The following RAB37 variants were observed in gnomAD, a reference collection of about 807,000 sequenced individuals.
RAB37 encodes the protein ras-related protein Rab-37.
Under a neutral mutation model 33.1 loss-of-function variants are expected in RAB37, and 29 were observed. The ratio of observed to expected loss-of-function variants is 0.88; its 90% confidence interval spans 0.65 to 1.20. The LOEUF is 1.20. RAB37 is among the 50% of genes most tolerant of loss of function. RAB37 has a pLI of 0.00. For missense variants in RAB37, 299 were observed against 301.1 expected (o/e 0.99, Z 0.05); for synonymous variants, 128 against 119.5 (o/e 1.07, Z -0.47).
chr17:74,718,340 A>ATATCG (rs2034194920), intron 1 of RAB37, among the ~76,000 whole-genome samples: 1 of 151,780 alleles, frequency 6.6e-6, no homozygotes. Flanking sequence ...ATATCATATC[A>ATATCG]TATCATATCA....
At chr17:74,695,763 C>T (rs2032396269) in intron 1 of RAB37, 1 of 1,614,058 alleles carries the variant, frequency 6.2e-7, no homozygotes, top group Non-Finnish European at 8.5e-7. Context: ...TCAACCTGGG[C>T]AGAGGAAAGC....
At chr17:74,681,622 G>A (rs976696401) in intron 1 of RAB37, among the ~76,000 whole-genome samples, 1 of 152,312 alleles carries the variant, frequency 6.6e-6, no homozygotes, top group South Asian at 2.1e-4. Flanking sequence ...AGAGGGGCAC[G>A]CCACGTGAGC....
At position 74,742,547 on chromosome 17, in the gene RAB37, G is replaced by A. The variant is rs1334351696; in HGVS notation, c.246+252G>A. Among the ~76,000 whole-genome samples, 1 of 152,220 alleles carries A rather than the reference G, an allele frequency of 6.6e-6. No individual in the cohort carries two copies. The highest frequency in any genetic ancestry group is 1.5e-5 in the Non-Finnish European group (1 of 68,028). On this transcript the variant is annotated intron_variant, in intron 3 of 8. Coordinates refer to ENST00000392613, the MANE Select transcript of RAB37 (RefSeq NM_001006638.3). The surrounding 1 kb of genome is among the most constrained non-coding windows in gnomAD (Gnocchi z 4.0). ...CCATCCATCTCCTCCCCAGTTGCCA[G>A]GGCTTTATCTGCTCTTAGGAGATTG...
At chr17:74,724,995 A>T (rs1452875426) in intron 1 of RAB37, among the ~76,000 whole-genome samples, 1 of 152,156 alleles carries the variant, frequency 6.6e-6, no homozygotes, top group Non-Finnish European at 1.5e-5. Context: ...CTAGAATACA[A>T]ATGGAGGCCC....
In RAB37 at chr17:74,745,520, C is replaced by G; in HGVS notation, c.*109C>G. The G allele has an allele frequency of 1.2e-6, 1 of 861,036 alleles. No individual in the cohort carries two copies. Among genetic ancestry groups the G allele is most frequent in the Non-Finnish European group, 1.9e-6 (1 of 528,614 alleles). 53.3% of individuals were successfully genotyped at this position (861,036 alleles called of 1,614,324 possible). A position where few individuals can be genotyped will look rare whatever the true frequency, so the allele number is the denominator to read the frequency against. On this transcript the variant is annotated 3_prime_UTR_variant, in exon 9 of 9. Transcript: ENST00000392613. The surrounding 1 kb of genome is among the most constrained non-coding windows in gnomAD (Gnocchi z 4.5). ...AGCCAATGGGGAGAAAGATGGAGGA[C>G]TCACTGCACAGCCGCTTCCTAGCAG... is the stretch of plus-strand genomic sequence containing the variant.
intron 1 of RAB37, among the ~76,000 whole-genome samples, chr17:74,697,403 A>T (rs1306142165): frequency 6.6e-6 from 1 of 152,214 alleles, no homozygotes; most frequent in African/African-American, 2.4e-5. Context: ...ATGCTGGAGA[A>T]CACAGAAAGC....
At chr17:74,679,387 G>A (rs758366205) in intron 1 of RAB37, among the ~76,000 whole-genome samples, 8 of 151,976 alleles carry the variant, frequency 5.3e-5, no homozygotes, top group Non-Finnish European at 7.4e-5. Flanking sequence ...CTCCCTCCTC[G>A]CCTCCCCCAT....
chr17:74,744,200 G>T lies in RAB37; in HGVS notation c.367-108G>T. On this transcript the variant is annotated intron_variant, in intron 5 of 8. Coordinates refer to ENST00000392613, the MANE Select transcript of RAB37 (RefSeq NM_001006638.3). This position sits in a 1 kb window ranked among gnomAD's most constrained non-coding sequence, Gnocchi z 4.2. The stretch of plus-strand genomic sequence containing the variant: ...AAAGGTACAGATGAGAGAACGCACA[G>T]GGTATCGTGTTCAAGGTAGTGAGTA... 9.3e-7 allele frequency: 1 copy of T among 1,070,960 alleles called. No homozygotes were observed. Among genetic ancestry groups the T allele is most frequent in the Non-Finnish European group, 1.4e-6 (1 of 724,022 alleles). The allele number at this position is 1,070,960 out of a possible 1,614,324, so 66.3% of individuals were successfully genotyped here. A position where few individuals can be genotyped will look rare whatever the true frequency, so the allele number is the denominator to read the frequency against.
At chr17:74,718,225 CGG>C (rs1486201331) in intron 1 of RAB37, among the ~76,000 whole-genome samples, 1 of 152,058 alleles carries the variant, frequency 6.6e-6, no homozygotes, top group Non-Finnish European at 1.5e-5. Context: ...GCCCAGGAGA[CGG>C]AGGTTGCAGT....
In RAB37 at chr17:74,706,174, A is replaced by G. The variant is rs558744807; in HGVS notation, c.73-23082A>G. On this transcript the variant is annotated intron_variant, in intron 1 of 7. Transcript: ENST00000340415. ...GTACCATGTTCACTATCTGGGTGAC[A>G]GGTTTGATTGAGGCTCAAACCTCAG... 2.6e-5 allele frequency among the ~76,000 whole-genome samples: 4 copies of G among 152,188 alleles called. No homozygotes were observed. The East Asian group carries it at 7.7e-4, about 29-fold the overall frequency.
chr17:74,694,882 T>C (rs2032278904), intron 1 of RAB37: 2 of 496,872 alleles, frequency 4.0e-6, no homozygotes, highest in Non-Finnish European at 7.1e-6. Flanking sequence ...TCCTCAACTA[T>C]GTAGGAGAGG....
chr17:74,743,080 C>A, intron 3 of RAB37, 49 bp from the exon 4 acceptor site: 1 of 1,557,628 alleles, frequency 6.4e-7, no homozygotes, highest in South Asian at 1.1e-5. Flanking sequence ...CCAGCACATT[C>A]CTTGCACCTG....
chr17:74,701,994 C>G (rs1449395592), intron 1 of RAB37, among the ~76,000 whole-genome samples: 1 of 151,330 alleles, frequency 6.6e-6, no homozygotes, highest in Non-Finnish European at 1.5e-5. Flanking sequence ...GCACTCAAGT[C>G]TGAGCTACAG....
At chr17:74,695,328 G>C in intron 1 of RAB37, 1 of 1,537,970 alleles carries the variant, frequency 6.5e-7, no homozygotes, top group South Asian at 1.2e-5. Context: ...CCTCGGAGGA[G>C]GATAGTGGGG....
At chr17:74,740,210 CA>C (rs547885619) in intron 1 of RAB37, among the ~76,000 whole-genome samples, 133 of 141,912 alleles carry the variant, frequency 9.4e-4, no homozygotes, top group African/African-American at 2.7e-3. Flanking sequence ...TGTTGTGACA[CA>C]AAAAAAAAAA....
At chr17:74,708,776 C>T (rs186461271) in intron 1 of RAB37, among the ~76,000 whole-genome samples, 15 of 151,960 alleles carry the variant, frequency 9.9e-5, no homozygotes, top group African/African-American at 2.9e-4. Flanking sequence ...ATTAGCCAGG[C>T]GTGGTGGCGG....
chr17:74,704,236 T>G lies in RAB37; in HGVS notation c.73-25020T>G, dbSNP rs977530166. Reference sequence around the variant, plus strand: ...ATCACCTTGTCCTCAGGCACTGAGCTGTGCAGAGGTAAAAAATGTGCCTAG... The same window carrying G: ...ATCACCTTGTCCTCAGGCACTGAGCGGTGCAGAGGTAAAAAATGTGCCTAG... On this transcript the variant is annotated intron_variant, in intron 1 of 7. Coordinates refer to the RAB37 transcript ENST00000340415. 1.6e-5 allele frequency: 8 copies of G among 485,670 alleles called. No homozygotes were observed. In the East Asian group the frequency reaches 2.7e-4, roughly 17 times the overall value. The allele number at this position is 485,670 out of a possible 1,614,324, so 30.1% of individuals were successfully genotyped here.
At position 74,742,754 on chromosome 17, in the gene RAB37, T is replaced by C. The variant is rs2034650661; in HGVS notation, c.247-375T>C. Among the ~76,000 whole-genome samples, 1 of 151,912 alleles carries C rather than the reference T, an allele frequency of 6.6e-6. No homozygotes were observed. The highest frequency in any genetic ancestry group is 2.4e-5 in the African/African-American group (1 of 41,354). On this transcript the variant is annotated intron_variant, in intron 3 of 8. Coordinates refer to ENST00000392613, the MANE Select transcript of RAB37 (RefSeq NM_001006638.3). This position sits in a 1 kb window ranked among gnomAD's most constrained non-coding sequence, Gnocchi z 4.0. ...GATTCTCCTGCCTCAGCCTCCTGAG[T>C]AGCTGAGACTACAGGTGCATGCCAC...
At chr17:74,674,532 G>A (rs549212234) in intron 1 of RAB37, among the ~76,000 whole-genome samples, 27 of 152,230 alleles carry the variant, frequency 1.8e-4, no homozygotes, top group African/African-American at 6.3e-4. Flanking sequence ...ACAAAAATCA[G>A]CTAGGCGTGG....
Sources: allele counts gnomAD v4.1 joint callset (sites outside exome capture counted in the v4.1 genomes callset), GRCh38; gene constraint gnomAD v4.1.1; non-coding constraint Gnocchi (gnomAD v3.1); transcripts MANE v1.5; gene names NCBI Gene and HGNC (gene_info 2026-07-23, HGNC 2026-07-21).